RSPH14: variants seen among roughly 807,000 people sequenced by gnomAD.
RSPH14 encodes rhabdoid tumor deletion region gene 1.
In RSPH14, 20 loss-of-function variants were observed where a neutral mutation model predicts 26.7. That is an observed-to-expected ratio of 0.75 (90% CI 0.53 to 1.09). The LOEUF (loss-of-function observed/expected upper bound fraction) is 1.09. RSPH14 is among the 50% of genes least tolerant of loss of function. The pLI is 0.00. For missense variants in RSPH14, 449 were observed against 457.2 expected (o/e 0.98, Z 0.16); for synonymous variants, 177 against 189.3 (o/e 0.93, Z 0.53).
At chr22:23,147,414 C>CT (rs1287766417), upstream of RSPH14, among the ~76,000 whole-genome samples, 2 of 151,996 alleles carry the variant, frequency 1.3e-5, no homozygotes, top group Non-Finnish European at 2.9e-5. Context: ...ATTCACTCCT[C>CT]TAACTCCTGG....
At chr22:23,140,526 C>T (rs569068251) in intron 1 of RSPH14, 54 bp from the exon 2 acceptor site, 2 of 1,492,198 alleles carry the variant, frequency 1.3e-6, no homozygotes, top group African/African-American at 2.8e-5. Context: ...AAAGCTACTT[C>T]TCATCTGATC....
At chr22:23,127,567 G>A (rs912596752) in intron 4 of RSPH14, among the ~76,000 whole-genome samples, 1 of 152,186 alleles carries the variant, frequency 6.6e-6, no homozygotes, top group Non-Finnish European at 1.5e-5. Context: ...TCCACGGGTG[G>A]CTGCTGAAGA....
chr22:23,147,238 G>A (rs1198161104), upstream of RSPH14, among the ~76,000 whole-genome samples: 2 of 152,132 alleles, frequency 1.3e-5, no homozygotes, highest in African/African-American at 2.4e-5. Flanking sequence ...TTGCAGCAGG[G>A]AATACAAATT....
chr22:23,164,986 C>T, the RSPH14 span, among the ~76,000 whole-genome samples: 37 of 150,766 alleles, frequency 2.5e-4, no homozygotes, highest in Non-Finnish European at 4.0e-4. Flanking sequence ...CTGTGCCCAA[C>T]GGCTGGGACA....
chr22:23,144,194 C>G (rs1686430470), upstream of RSPH14, among the ~76,000 whole-genome samples: 1 of 151,448 alleles, frequency 6.6e-6, no homozygotes, highest in Admixed American at 6.6e-5. Flanking sequence ...AGTGACCCCA[C>G]AGCTTAATCT....
chr22:23,161,908 G>C, the RSPH14 span: 1 of 300,920 alleles, frequency 3.3e-6, no homozygotes, highest in Non-Finnish European at 6.3e-6. Flanking sequence ...CTCCTGCGTC[G>C]GTCTATACTA....
chr22:23,092,838 A>G (rs2069022038), intron 4 of RSPH14, among the ~76,000 whole-genome samples: 1 of 152,184 alleles, frequency 6.6e-6, no homozygotes, highest in Non-Finnish European at 1.5e-5. Context: ...GCCTGGCTGT[A>G]CCTCAGATTT....
intron 4 of RSPH14, chr22:23,096,002 G>A (rs1253604242): frequency 6.2e-7 from 1 of 1,608,938 alleles, no homozygotes; most frequent in Admixed American, 1.7e-5. Context: ...CCGCGCCTAC[G>A]ACGCTGTGCA....
the RSPH14 span, chr22:23,150,176 T>C: frequency 2.5e-6 from 4 of 1,582,850 alleles, no homozygotes; most frequent in Non-Finnish European, 3.5e-6. Context: ...GGGTGTGGGA[T>C]GGGGGAGCAG....
chr22:23,157,126 C>A, the RSPH14 span, among the ~76,000 whole-genome samples: 1 of 152,174 alleles, frequency 6.6e-6, no homozygotes. Context: ...AGCTGAGGGC[C>A]CAGGCTGCAT....
chr22:23,116,135 C>A (rs1290173259), intron 4 of RSPH14, among the ~76,000 whole-genome samples: 2 of 152,262 alleles, frequency 1.3e-5, no homozygotes, highest in East Asian at 3.8e-4. Context: ...CTGGGTAAGC[C>A]TTGCTTCGTG....
the RSPH14 span, among the ~76,000 whole-genome samples, chr22:23,173,204 C>T: frequency 4.7e-5 from 7 of 149,736 alleles, no homozygotes; most frequent in African/African-American, 1.5e-4. Context: ...GCGCGATCTC[C>T]GCTCACTGCA....
chr22:23,153,155 T>C, the RSPH14 span: 7 of 1,590,916 alleles, frequency 4.4e-6, no homozygotes, highest in Admixed American at 1.7e-5. Context: ...GGTTCCCCCA[T>C]GGCTCGTGGG....
chr22:23,128,155 C>G (rs1383001819), intron 4 of RSPH14, among the ~76,000 whole-genome samples: 1 of 152,156 alleles, frequency 6.6e-6, no homozygotes, highest in African/African-American at 2.4e-5. Context: ...TCCGGGGGAC[C>G]CTGAGCTGTT....
chr22:23,148,677 C>T (rs1240332366), upstream of RSPH14, among the ~76,000 whole-genome samples: 2 of 152,238 alleles, frequency 1.3e-5, no homozygotes, highest in Admixed American at 6.5e-5. Flanking sequence ...GACTGCTTGC[C>T]AGGCAAGTCC....
chr22:23,064,526 C>A (rs150333686), intron 4 of RSPH14, among the ~76,000 whole-genome samples: 1 of 152,172 alleles, frequency 6.6e-6, no homozygotes, highest in South Asian at 2.1e-4. Flanking sequence ...CCCCCTGCCC[C>A]AGAGTTGGGG....
chr22:23,059,498 G>C lies in RSPH14; in HGVS notation c.1011C>G (p.Ala337=). The C allele has an allele frequency of 6.2e-7, 1 of 1,613,738 alleles. No individual in the cohort carries two copies. The highest frequency in any genetic ancestry group is 1.7e-5 in the Admixed American group (1 of 59,966). ...ACTCGATGACACTGATGGCGATCCGGGCTGCCCGCTGTAAGGCTTCGGCCA... is the reference window on the plus strand; with the variant it reads ...ACTCGATGACACTGATGGCGATCCGCGCTGCCCGCTGTAAGGCTTCGGCCA... ...PQVAEALQRA[A]RIAISVIEFK... is the part of the protein sequence containing the mutation. The change falls in exon 7 of 7, where the codon GCC becomes GCG. Residue 337 remains alanine, a synonymous_variant. Coordinates refer to ENST00000216036, the MANE Select transcript of RSPH14 (RefSeq NM_014433.3).
At chr22:23,146,468 T>C, upstream of RSPH14, 1 of 1,361,530 alleles carries the variant, frequency 7.3e-7, no homozygotes, top group Non-Finnish European at 9.6e-7. Flanking sequence ...CACCTTGGCC[T>C]CCCAAAGTGC....
chr22:23,118,030 A>G (rs2069901941), intron 4 of RSPH14, among the ~76,000 whole-genome samples: 1 of 152,228 alleles, frequency 6.6e-6, no homozygotes, highest in South Asian at 2.1e-4. Flanking sequence ...CCCGCAGGCC[A>G]GCAAGCTGGA....
Sources: allele counts gnomAD v4.1 joint callset (sites outside exome capture counted in the v4.1 genomes callset), GRCh38; gene constraint gnomAD v4.1.1; transcripts MANE v1.5; gene names NCBI Gene and HGNC (gene_info 2026-07-23, HGNC 2026-07-21).